Variants in BCAR3 observed in about 807,000 individuals in gnomAD.
BCAR3 encodes BCAR3 adaptor protein, NSP family member, also known as breast cancer anti-estrogen resistance protein 3.
Under a neutral mutation model 80.1 loss-of-function variants are expected in BCAR3, and 37 were observed. The observed-to-expected ratio is 0.46, with a 90% CI of 0.36 to 0.61. BCAR3 has a LOEUF of 0.61. Among genes scored for constraint, BCAR3 ranks in the 20% least tolerant of loss-of-function variants. The pLI, the probability that BCAR3 is intolerant of heterozygous loss-of-function variation, is 0.00. For missense variants in BCAR3, 978 were observed against 1,068.2 expected (o/e 0.92, Z 1.18); for synonymous variants, 389 against 418.9 (o/e 0.93, Z 0.87).
chr1:93,613,730 C>T (rs1351312101), intron 3 of BCAR3: 12 of 1,280,362 alleles, frequency 9.4e-6, no homozygotes, highest in Non-Finnish European at 1.3e-5. Flanking sequence ...AAAGAAAGCA[C>T]CTCTGTTTTC....
At chr1:93,674,137 C>T (rs1227163394) in intron 2 of BCAR3, among the ~76,000 whole-genome samples, 3 of 151,888 alleles carry the variant, frequency 2.0e-5, no homozygotes, top group Non-Finnish European at 4.4e-5. Flanking sequence ...AAAATAATAC[C>T]AAAGGAGGGA....
At chr1:93,842,873 C>A (rs1041991758) in intron 2 of BCAR3, among the ~76,000 whole-genome samples, 5 of 152,168 alleles carry the variant, frequency 3.3e-5, no homozygotes, top group African/African-American at 1.2e-4. Flanking sequence ...GGAAAATTTT[C>A]TTTTCCTTCC....
chr1:93,645,026 T>C (rs1022293394), intron 2 of BCAR3, among the ~76,000 whole-genome samples: 3 of 152,218 alleles, frequency 2.0e-5, no homozygotes, highest in African/African-American at 7.2e-5. Context: ...ACTGTTGTTT[T>C]CATAGGTAAA....
At chr1:93,756,111 T>G (rs1363978254) in intron 2 of BCAR3, among the ~76,000 whole-genome samples, 1 of 152,154 alleles carries the variant, frequency 6.6e-6, no homozygotes, top group African/African-American at 2.4e-5. Flanking sequence ...ACAGACAAAA[T>G]GCACAGAACT....
intron 2 of BCAR3, among the ~76,000 whole-genome samples, chr1:93,673,961 A>T (rs1233945512): frequency 6.6e-6 from 1 of 152,242 alleles, no homozygotes; most frequent in Non-Finnish European, 1.5e-5. Flanking sequence ...GCTGGATTTT[A>T]AAATATCCTC....
intron 3 of BCAR3, among the ~76,000 whole-genome samples, chr1:93,699,219 T>C (rs1185199577): frequency 6.6e-6 from 1 of 152,250 alleles, no homozygotes; most frequent in African/African-American, 2.4e-5. Flanking sequence ...CTCCCCTCTG[T>C]CTGGCTCCGA....
intron 2 of BCAR3, among the ~76,000 whole-genome samples, chr1:93,668,717 T>C (rs796234191): frequency 1.3e-4 from 20 of 151,174 alleles, no homozygotes; most frequent in African/African-American, 4.6e-4. Context: ...TTTTTTTTCT[T>C]TTTTTTTTTC....
intron 2 of BCAR3, among the ~76,000 whole-genome samples, chr1:93,758,122 G>A (rs1651807350): frequency 6.6e-6 from 1 of 152,180 alleles, no homozygotes; most frequent in African/African-American, 2.4e-5. Flanking sequence ...CCCAGGGAAG[G>A]ACCGACCCAT....
At chr1:93,757,326 A>G (rs1307590434) in intron 2 of BCAR3, among the ~76,000 whole-genome samples, 1 of 152,174 alleles carries the variant, frequency 6.6e-6, no homozygotes. Context: ...TGGAGCAGAC[A>G]GCAGCTCCCC....
intron 7 of BCAR3, among the ~76,000 whole-genome samples, chr1:93,577,014 C>A (rs1002033309): frequency 6.6e-6 from 1 of 152,084 alleles, no homozygotes; most frequent in Admixed American, 6.5e-5. Context: ...ATTAGCCAGG[C>A]ATGGTGGTGT....
intron 2 of BCAR3, among the ~76,000 whole-genome samples, chr1:93,771,321 A>G (rs1023518834): frequency 3.3e-5 from 5 of 152,144 alleles, no homozygotes; most frequent in African/African-American, 1.2e-4. Flanking sequence ...AATTTTATAC[A>G]TGGAATTCAG....
chr1:93,684,557 C>T (rs1354850633), upstream of BCAR3, among the ~76,000 whole-genome samples: 2 of 152,126 alleles, frequency 1.3e-5, no homozygotes, highest in Non-Finnish European at 2.9e-5. Flanking sequence ...TCACAATATC[C>T]CTGAGAGATA....
At chr1:93,845,479 T>TC (rs1480790709) in intron 2 of BCAR3, 452 of 4,656 alleles carry the variant, frequency 0.097, 42 homozygotes, top group African/African-American at 0.24. Flanking sequence ...TATATATATA[T>TC]ATATATATAT....
At chr1:93,605,078 C>T (rs760425237) in intron 3 of BCAR3, among the ~76,000 whole-genome samples, 6 of 152,216 alleles carry the variant, frequency 3.9e-5, no homozygotes, top group Non-Finnish European at 8.8e-5. Flanking sequence ...CATCTTGCCA[C>T]GCTGAAAGCC....
chr1:93,846,911 C>T (rs1425663551), intron 1 of BCAR3: 1 of 349,974 alleles, frequency 2.9e-6, no homozygotes, highest in Non-Finnish European at 5.6e-6. Context: ...CGAAATGCAA[C>T]CCAAACCCCG....
At chr1:93,734,421 A>T (rs1650904234) in intron 2 of BCAR3, among the ~76,000 whole-genome samples, 1 of 152,160 alleles carries the variant, frequency 6.6e-6, no homozygotes, top group Admixed American at 6.5e-5. Context: ...AAATGGTGGG[A>T]CTGCAATAGG....
At chr1:93,782,074 C>T (rs60383814) in intron 2 of BCAR3, among the ~76,000 whole-genome samples, 1,797 of 152,256 alleles carry the variant, frequency 0.012, 33 homozygotes, top group African/African-American at 0.04. Context: ...GAAGGGAGGA[C>T]ATATCAGAAG....
intron 2 of BCAR3, among the ~76,000 whole-genome samples, chr1:93,711,505 AAT>A (rs1387448802): frequency 3.3e-5 from 5 of 152,206 alleles, no homozygotes; most frequent in African/African-American, 1.2e-4. Flanking sequence ...GAAGAGGTAC[AAT>A]GTCACTTCTA....
upstream of BCAR3, among the ~76,000 whole-genome samples, chr1:93,686,640 G>A (rs573900149): frequency 6.6e-6 from 1 of 152,300 alleles, no homozygotes; most frequent in East Asian, 1.9e-4. Context: ...CCCCAGGTCT[G>A]TCTGACCCCT....
Sources: allele counts gnomAD v4.1 joint callset (sites outside exome capture counted in the v4.1 genomes callset), GRCh38; gene constraint gnomAD v4.1.1; transcripts MANE v1.5; gene names NCBI Gene and HGNC (gene_info 2026-07-23, HGNC 2026-07-21).